Variants in CSMD1 observed in about 807,000 individuals in gnomAD.
CSMD1 encodes CUB and sushi domain-containing protein 1.
In CSMD1, 213 loss-of-function variants were observed where a neutral mutation model predicts 417.5. The ratio of observed to expected loss-of-function variants is 0.51; its 90% CI spans 0.46 to 0.57. The LOEUF is 0.57. Ranked by LOEUF, CSMD1 falls within the 20% of genes least tolerant of loss-of-function variation. The pLI is 0.00. For synonymous variants in CSMD1, 2,862 were observed against 1,736.8 expected (o/e 1.65, Z -16.11); for missense variants, 6,923 against 4,529.7 (o/e 1.53, Z -15.17).
intron 7 of CSMD1, among the ~76,000 whole-genome samples, chr8:3,641,426 T>C (rs1423419729): frequency 6.6e-6 from 1 of 152,186 alleles, no homozygotes; most frequent in Non-Finnish European, 1.5e-5. Context: ...GGGTTCTTCT[T>C]ATAACCCACA....
intron 5 of CSMD1, among the ~76,000 whole-genome samples, chr8:3,962,116 C>G (rs1257283797): frequency 6.6e-6 from 1 of 152,168 alleles, no homozygotes; most frequent in Non-Finnish European, 1.5e-5. Flanking sequence ...CAGGACCTTC[C>G]TCCTCTTTCT....
At chr8:3,380,897 A>C (rs184589002) in intron 18 of CSMD1, among the ~76,000 whole-genome samples, 1 of 152,186 alleles carries the variant, frequency 6.6e-6, no homozygotes, top group African/African-American at 2.4e-5. Context: ...TAATGAAAAA[A>C]AAAAAAGTTT....
intron 1 of CSMD1, among the ~76,000 whole-genome samples, chr8:4,643,595 A>G (rs1418783805): frequency 6.6e-6 from 1 of 152,224 alleles, no homozygotes; most frequent in Non-Finnish European, 1.5e-5. Flanking sequence ...TTTAAGAGCT[A>G]AGGAGTACGA....
chr8:3,201,573 G>T, intron 32 of CSMD1, 39 bp downstream of exon 32: 1 of 1,162,306 alleles, frequency 8.6e-7, no homozygotes, highest in Non-Finnish European at 1.3e-6. Flanking sequence ...CCCCCTAGCT[G>T]TCTGAACTAA....
At chr8:4,634,248 T>C (rs2724968) in intron 2 of CSMD1, among the ~76,000 whole-genome samples, 36,189 of 152,078 alleles carry the variant, frequency 0.24, 4,658 homozygotes, top group Middle Eastern at 0.33. Context: ...TTTTTAACTC[T>C]AAATGTTTTT....
intron 3 of CSMD1, among the ~76,000 whole-genome samples, chr8:4,397,521 CTCTT>C (rs1462758147): frequency 2.5e-5 from 3 of 120,142 alleles, no homozygotes; most frequent in Non-Finnish European, 3.4e-5. Flanking sequence ...AAGCCTGAGA[CTCTT>C]TTTTTTTTTT....
At chr8:4,406,080 G>C (rs1804997645) in intron 3 of CSMD1, among the ~76,000 whole-genome samples, 1 of 152,164 alleles carries the variant, frequency 6.6e-6, no homozygotes, top group African/African-American at 2.4e-5. Flanking sequence ...TGGTCTATTA[G>C]TAAAATGACA....
chr8:3,549,063 C>T (rs568191952), intron 10 of CSMD1, among the ~76,000 whole-genome samples: 76 of 152,308 alleles, frequency 5.0e-4, no homozygotes, highest in African/African-American at 1.7e-3. Context: ...GATATCAACC[C>T]CACTTCCCTC....
At chr8:4,590,160 T>A (rs1026025660) in intron 2 of CSMD1, among the ~76,000 whole-genome samples, 2 of 151,804 alleles carry the variant, frequency 1.3e-5, no homozygotes, top group Admixed American at 1.3e-4. Context: ...TTGCTCAGAA[T>A]TCTTTATGCT....
intron 3 of CSMD1, among the ~76,000 whole-genome samples, chr8:4,403,584 G>C (rs568548132): frequency 1.3e-4 from 20 of 152,226 alleles, no homozygotes; most frequent in Non-Finnish European, 2.2e-4. Context: ...TTGACTTCTA[G>C]GACAGTACAC....
At chr8:4,960,158 A>G (rs12682272) in intron 1 of CSMD1, among the ~76,000 whole-genome samples, 2,434 of 152,264 alleles carry the variant, frequency 0.016, 86 homozygotes, top group East Asian at 0.14. Flanking sequence ...CTAGACCCAC[A>G]AAACTCTTTT....
At chr8:4,728,241 A>G (rs747582015) in intron 1 of CSMD1, among the ~76,000 whole-genome samples, 15 of 149,734 alleles carry the variant, frequency 1.0e-4, no homozygotes, top group East Asian at 1.9e-4. Context: ...CCTACACCTA[A>G]TGATATGAAG....
At chr8:3,177,200 G>A (rs1264919746) in intron 37 of CSMD1, among the ~76,000 whole-genome samples, 1 of 152,198 alleles carries the variant, frequency 6.6e-6, no homozygotes, top group African/African-American at 2.4e-5. Context: ...AACACCAACT[G>A]TCGCAAGTGG....
chr8:4,347,350 T>C (rs1011346079), intron 3 of CSMD1, among the ~76,000 whole-genome samples: 1 of 152,182 alleles, frequency 6.6e-6, no homozygotes, highest in Non-Finnish European at 1.5e-5. Context: ...CTACATAATA[T>C]AATCGATACT....
chr8:4,489,484 C>T (rs1801588741), intron 2 of CSMD1, among the ~76,000 whole-genome samples: 1 of 152,036 alleles, frequency 6.6e-6, no homozygotes, highest in South Asian at 2.1e-4. Flanking sequence ...CACCATATGC[C>T]CCACCAGAAA....
intron 8 of CSMD1, among the ~76,000 whole-genome samples, chr8:3,588,047 T>C (rs753476223): frequency 9.9e-5 from 15 of 151,888 alleles, no homozygotes; most frequent in African/African-American, 2.9e-4. Context: ...TTTTTGATCA[T>C]TGGTCTGTGT....
At chr8:4,732,095 C>T (rs888879988) in intron 1 of CSMD1, among the ~76,000 whole-genome samples, 4 of 152,082 alleles carry the variant, frequency 2.6e-5, no homozygotes, top group Non-Finnish European at 5.9e-5. Context: ...GTCCCGCATC[C>T]TTATCTTCAT....
chr8:4,260,685 T>C (rs1803817577), intron 3 of CSMD1, among the ~76,000 whole-genome samples: 1 of 152,202 alleles, frequency 6.6e-6, no homozygotes. Context: ...GAGAGGTTAA[T>C]CCAAAATTCC....
intron 3 of CSMD1, among the ~76,000 whole-genome samples, chr8:4,143,509 AG>A (rs755798117): frequency 2.7e-5 from 4 of 150,910 alleles, no homozygotes; most frequent in Non-Finnish European, 5.9e-5. Flanking sequence ...AAACTAAAGA[AG>A]AAGTTGATAT....
Sources: allele counts gnomAD v4.1 joint callset (sites outside exome capture counted in the v4.1 genomes callset), GRCh38; gene constraint gnomAD v4.1.1; transcripts MANE v1.5; gene names NCBI Gene and HGNC (gene_info 2026-07-23, HGNC 2026-07-21).